The following SLC8A1 variants were observed in gnomAD, a reference collection of about 807,000 sequenced individuals.
SLC8A1 encodes the protein solute carrier family 8 member A1, also known as sodium/calcium exchanger 1.
In SLC8A1, 18 loss-of-function variants were observed where a neutral mutation model predicts 68.3. The observed-to-expected ratio is 0.26, with a 90% CI of 0.18 to 0.39. The LOEUF is 0.39. SLC8A1 is among the 10% of genes least tolerant of loss of function. SLC8A1 has a pLI of 1.00. For synonymous variants in SLC8A1, 475 were observed against 415.5 expected, an observed-to-expected ratio of 1.14 and a Z score of -1.74; for missense variants, 985 against 1,156.7, an observed-to-expected ratio of 0.85 and a Z score of 2.15.
chr2:40,254,278 AC>A (rs779024671), intron 2 of SLC8A1: 1 of 152,224 alleles, frequency 6.6e-6, no homozygotes, highest in Non-Finnish European at 1.5e-5. Flanking sequence ...CCTTACATTA[AC>A]GGTCAAAATG....
chr2:40,403,933 C>T (rs141824699), intron 2 of SLC8A1, among the ~76,000 whole-genome samples: 1 of 152,266 alleles, frequency 6.6e-6, no homozygotes, highest in Non-Finnish European at 1.5e-5. Context: ...TATTAGTTGT[C>T]ACTATTTCAT....
chr2:40,218,280 G>C (rs923873291), intron 2 of SLC8A1, among the ~76,000 whole-genome samples: 5 of 152,244 alleles, frequency 3.3e-5, no homozygotes, highest in African/African-American at 1.2e-4. Flanking sequence ...GCTTTCCTTT[G>C]ATAAACTCAT....
chr2:40,172,118 A>G (rs1416033288), intron 4 of SLC8A1, among the ~76,000 whole-genome samples: 2 of 152,234 alleles, frequency 1.3e-5, no homozygotes, highest in Non-Finnish European at 1.5e-5. Context: ...CTTGACTTTA[A>G]AGCCTCCAAC....
intron 2 of SLC8A1, among the ~76,000 whole-genome samples, chr2:40,388,225 G>C (rs1179396741): frequency 1.3e-5 from 2 of 152,064 alleles, no homozygotes; most frequent in African/African-American, 4.8e-5. Flanking sequence ...ATGCATAAAA[G>C]TGCTTAAACT....
intron 2 of SLC8A1, among the ~76,000 whole-genome samples, chr2:40,365,312 T>A (rs758156805): frequency 2.6e-4 from 39 of 152,262 alleles, no homozygotes; most frequent in Admixed American, 4.6e-4. Flanking sequence ...ATCATATTTT[T>A]ATACTTAATT....
chr2:40,132,997 G>A (rs899688664), intron 7 of SLC8A1, among the ~76,000 whole-genome samples: 1 of 152,068 alleles, frequency 6.6e-6, no homozygotes, highest in East Asian at 1.9e-4. Flanking sequence ...AATGATAATA[G>A]TTTCCTGTAT....
At chr2:40,473,809 T>C (rs951531453) in intron 1 of SLC8A1, among the ~76,000 whole-genome samples, 1 of 152,222 alleles carries the variant, frequency 6.6e-6, no homozygotes, top group African/African-American at 2.4e-5. Context: ...GGGAACTCAT[T>C]TCCTCAAGCA....
At position 40,370,048 on chromosome 2, in the gene SLC8A1, T is replaced by C. The variant is rs182588248; in HGVS notation, c.1808+58425A>G. 2.0e-5 allele frequency among the ~76,000 whole-genome samples: 3 copies of C among 152,242 alleles called. No homozygotes were observed. The East Asian group carries it at 5.8e-4, about 29-fold the overall frequency. ...AAATCTTATCTGTTGCTGTTAGTCT[T>C]AGCAAACACAATACAGGGAGACATG... On this transcript the variant is annotated intron_variant, in intron 2 of 7. Coordinates refer to ENST00000406785, the Ensembl canonical transcript of SLC8A1.
intron 2 of SLC8A1, among the ~76,000 whole-genome samples, chr2:40,342,016 A>G (rs1354902405): frequency 6.6e-6 from 1 of 152,164 alleles, no homozygotes; most frequent in African/African-American, 2.4e-5. Context: ...TGGGAGCTAT[A>G]GACCTAATCA....
chr2:40,205,904 A>C (rs2055350805), intron 2 of SLC8A1, among the ~76,000 whole-genome samples: 1 of 151,852 alleles, frequency 6.6e-6, no homozygotes, highest in Non-Finnish European at 1.5e-5. Context: ...CCATGGGTGC[A>C]GGGATCACGT....
At chr2:40,413,965 G>T (rs535222603) in intron 2 of SLC8A1, among the ~76,000 whole-genome samples, 2 of 152,120 alleles carry the variant, frequency 1.3e-5, no homozygotes, top group African/African-American at 4.8e-5. Flanking sequence ...AAATTAATTT[G>T]TTGAGCATCA....
chr2:40,177,576 C>A (rs943106798), intron 3 of SLC8A1, among the ~76,000 whole-genome samples: 17 of 152,198 alleles, frequency 1.1e-4, no homozygotes, highest in African/African-American at 4.1e-4. Context: ...AGAAAGTGGG[C>A]GTTGCCTGTT....
intron 1 of SLC8A1, among the ~76,000 whole-genome samples, chr2:40,441,389 GA>G (rs1700452192): frequency 1.0e-5 from 1 of 98,386 alleles, no homozygotes; most frequent in African/African-American, 5.4e-5. Flanking sequence ...TTTCTTCATA[GA>G]ATTAGAAAAA....
intron 2 of SLC8A1, among the ~76,000 whole-genome samples, chr2:40,382,796 T>C (rs896970858): frequency 2.6e-5 from 4 of 152,138 alleles, no homozygotes; most frequent in Non-Finnish European, 2.9e-5. Context: ...TACATTTATA[T>C]GTTTTAGTTA....
chr2:40,253,025 A>ATC (rs2063136475), intron 2 of SLC8A1, among the ~76,000 whole-genome samples: 1 of 97,990 alleles, frequency 1.0e-5, no homozygotes, highest in Non-Finnish European at 2.8e-5. Context: ...GTATATATGT[A>ATC]TATACATATG....
At chr2:40,156,260 CAA>C (rs987484541) in intron 6 of SLC8A1, among the ~76,000 whole-genome samples, 1 of 152,030 alleles carries the variant, frequency 6.6e-6, no homozygotes. Context: ...TAGCCTAGTC[CAA>C]CTCTCTCCTT....
intron 2 of SLC8A1, among the ~76,000 whole-genome samples, chr2:40,308,737 G>A (rs72796680): frequency 0.038 from 5,799 of 152,226 alleles, 153 homozygotes; most frequent in Non-Finnish European, 0.056. Flanking sequence ...TGGGGGAAAG[G>A]GAGTCAGGTA....
intron 1 of SLC8A1, among the ~76,000 whole-genome samples, chr2:40,464,817 C>G (rs1178147214): frequency 6.6e-6 from 1 of 152,086 alleles, no homozygotes; most frequent in Non-Finnish European, 1.5e-5. Flanking sequence ...GTAAGTTCCC[C>G]CAGTGCCTGG....
At chr2:40,277,229 G>GT (rs201739617) in intron 2 of SLC8A1, among the ~76,000 whole-genome samples, 1,917 of 149,586 alleles carry the variant, frequency 0.013, 43 homozygotes, top group African/African-American at 0.043. Flanking sequence ...CTCTATGCCT[G>GT]TTTTTTTTTT....
Sources: allele counts gnomAD v4.1 joint callset (sites outside exome capture counted in the v4.1 genomes callset), GRCh38; gene constraint gnomAD v4.1.1; transcripts MANE v1.5; gene names NCBI Gene and HGNC (gene_info 2026-07-23, HGNC 2026-07-21).